PARM1: variants seen among roughly 807,000 people sequenced by gnomAD.
PARM1 encodes prostate androgen-regulated mucin-like protein 1, also known as WSC4, cell wall integrity and stress response component 4 homolog.
In PARM1, 14 loss-of-function variants were observed where a neutral mutation model predicts 24.6. The ratio of observed to expected loss-of-function variants is 0.57; its 90% CI spans 0.38 to 0.89. The LOEUF (loss-of-function observed/expected upper bound fraction) is 0.89, where lower values mean the gene tolerates loss of function less well. Among genes scored for constraint, PARM1 ranks in the 40% least tolerant of loss-of-function variants. PARM1 has a pLI of 0.00. For missense variants in PARM1, 362 were observed against 380.4 expected, an observed-to-expected ratio of 0.95 and a Z score of 0.40; for synonymous variants, 179 against 156.6, an observed-to-expected ratio of 1.14 and a Z score of -1.07.
intron 1 of PARM1, among the ~76,000 whole-genome samples, chr4:75,005,935 T>G (rs1722760620): frequency 6.6e-6 from 1 of 152,370 alleles, no homozygotes; most frequent in Non-Finnish European, 1.5e-5. Context: ...GTCCCTTTCA[T>G]GTCTGTGGGC....
chr4:75,014,244 G>A (rs192100894), intron 2 of PARM1, among the ~76,000 whole-genome samples: 2 of 152,320 alleles, frequency 1.3e-5, no homozygotes, highest in African/African-American at 4.8e-5. Context: ...TAAGATTAAT[G>A]AAGACGTGAT....
intron 1 of PARM1, among the ~76,000 whole-genome samples, chr4:74,964,839 TTTG>T (rs1417433603): frequency 6.6e-6 from 1 of 152,166 alleles, no homozygotes; most frequent in Non-Finnish European, 1.5e-5. Flanking sequence ...TGAATAATTT[TTTG>T]TTAAGTGAGT....
intron 1 of PARM1, among the ~76,000 whole-genome samples, chr4:74,966,217 GC>G (rs1191692879): frequency 6.6e-6 from 1 of 152,164 alleles, no homozygotes; most frequent in Non-Finnish European, 1.5e-5. Context: ...ATTAAACATA[GC>G]TATCATGTCA....
chr4:75,010,782 C>G (rs1448552484), intron 1 of PARM1, among the ~76,000 whole-genome samples: 1 of 152,152 alleles, frequency 6.6e-6, no homozygotes, highest in Non-Finnish European at 1.5e-5. Flanking sequence ...AAGTGGAAAG[C>G]ACATTAAAAG....
chr4:74,935,903 C>T (rs1037310298), intron 1 of PARM1, among the ~76,000 whole-genome samples: 3 of 152,164 alleles, frequency 2.0e-5, no homozygotes, highest in Non-Finnish European at 4.4e-5. Context: ...TGCAATGGCG[C>T]GATTCCAGTT....
rs866993441 is a variant in PARM1, at chr4:75,046,867, G to C, written c.*620G>C. The stretch of plus-strand genomic sequence containing the variant: ...GCCCTGGAGGGGGCCAGCAGGTCAC[G>C]GGGCAGAATCTCTCAGGTTGCTGTG... On this transcript the variant is annotated 3_prime_UTR_variant, in exon 4 of 4. Transcript: ENST00000307428. The C allele has an allele frequency of 6.6e-6, 1 of 152,498 alleles. No individual in the cohort carries two copies. The highest frequency in any genetic ancestry group is 6.5e-5 in the Admixed American group (1 of 15,328). 9.4% of individuals were successfully genotyped at this position (152,498 alleles called of 1,614,324 possible).
At chr4:74,984,876 G>C (rs976552538) in intron 1 of PARM1, among the ~76,000 whole-genome samples, 1 of 152,152 alleles carries the variant, frequency 6.6e-6, no homozygotes, top group Non-Finnish European at 1.5e-5. Context: ...ACTATATGTG[G>C]TCCCAAAGCT....
intron 1 of PARM1, 110 bp downstream of exon 1, chr4:74,933,480 C>T: frequency 1.1e-6 from 1 of 881,856 alleles, no homozygotes; most frequent in Non-Finnish European, 1.9e-6. Context: ...CGCGCGCCTC[C>T]GGGTGAGTGC....
At chr4:74,989,754 A>G (rs547511326) in intron 1 of PARM1, among the ~76,000 whole-genome samples, 64 of 152,250 alleles carry the variant, frequency 4.2e-4, no homozygotes, top group African/African-American at 1.4e-3. Flanking sequence ...CCTGACTGCT[A>G]TCTAGAGTTG....
intron 1 of PARM1, chr4:74,997,887 T>G (rs994397134): frequency 6.6e-6 from 1 of 152,234 alleles, no homozygotes; most frequent in Non-Finnish European, 1.5e-5. Context: ...GCGACGCATA[T>G]AGATTTATTC....
intron 1 of PARM1, among the ~76,000 whole-genome samples, chr4:74,981,365 A>G (rs1376673617): frequency 6.6e-6 from 1 of 152,150 alleles, no homozygotes; most frequent in East Asian, 1.9e-4. Context: ...GCCAAGAAAC[A>G]TATGAAAAAA....
chr4:75,034,158 T>G (rs550626935), intron 3 of PARM1, among the ~76,000 whole-genome samples, 197 bp downstream of exon 3: 78 of 152,136 alleles, frequency 5.1e-4, no homozygotes, highest in African/African-American at 1.8e-3. Context: ...CTTGGCAAAG[T>G]AGAAGAAGCA....
At chr4:75,038,230 A>C (rs1256463637) in intron 3 of PARM1, among the ~76,000 whole-genome samples, 1 of 152,250 alleles carries the variant, frequency 6.6e-6, no homozygotes, top group Admixed American at 6.5e-5. Flanking sequence ...CAAGTTTCTT[A>C]ATCACTTTGT....
At chr4:74,945,099 A>G (rs1291230853) in intron 1 of PARM1, among the ~76,000 whole-genome samples, 1 of 152,244 alleles carries the variant, frequency 6.6e-6, no homozygotes, top group Non-Finnish European at 1.5e-5. Flanking sequence ...ACTGACATAC[A>G]AAAATGAATA....
At chr4:74,946,555 C>T (rs1721416627) in intron 1 of PARM1, among the ~76,000 whole-genome samples, 1 of 152,126 alleles carries the variant, frequency 6.6e-6, no homozygotes, top group African/African-American at 2.4e-5. Context: ...ATGAAGGCTC[C>T]TGGGAGTAGT....
chr4:74,951,134 GA>G (rs1721514028), intron 1 of PARM1, among the ~76,000 whole-genome samples: 2 of 152,234 alleles, frequency 1.3e-5, no homozygotes. Flanking sequence ...GCGGCTGTCA[GA>G]GGTCTCTGGG....
chr4:74,935,028 G>T (rs1721150408), intron 1 of PARM1, among the ~76,000 whole-genome samples: 1 of 89,934 alleles, frequency 1.1e-5, no homozygotes, highest in Admixed American at 1.8e-4. Flanking sequence ...CTTTTATTCA[G>T]CGTTACAGTT....
chr4:74,943,910 T>A (rs1560771248), intron 1 of PARM1, among the ~76,000 whole-genome samples: 1 of 152,260 alleles, frequency 6.6e-6, no homozygotes, highest in Non-Finnish European at 1.5e-5. Context: ...AGAATGGGCA[T>A]TTCCTTGACC....
intron 1 of PARM1, among the ~76,000 whole-genome samples, chr4:75,006,501 C>T (rs1722772396): frequency 6.6e-6 from 1 of 152,122 alleles, no homozygotes; most frequent in Non-Finnish European, 1.5e-5. Flanking sequence ...CATAGTATTC[C>T]ATGGTGTATC....
Sources: gnomAD v4.1 joint callset for allele counts (sites outside exome capture counted in the v4.1 genomes callset) on GRCh38, gnomAD v4.1.1 for gene constraint, MANE v1.5 for transcripts, NCBI Gene and HGNC (gene_info 2026-07-23, HGNC 2026-07-21) for gene names.